Variants in MALAT1 observed in about 807,000 individuals in gnomAD.
MALAT1 encodes the protein metastasis associated lung adenocarcinoma transcript 1, also known as hepcarcin.
At chr11:65,499,004 T>A in exon 3 of MALAT1, 1 of 518,886 alleles carries the variant, frequency 1.9e-6, no homozygotes, top group Non-Finnish European at 3.8e-6. Context: ...TGATGCGAGT[T>A]GTTCTCCGTC....
chr11:65,505,180 T>G (rs772212981), intron 3 of MALAT1: 13 of 518,660 alleles, frequency 2.5e-5, no homozygotes, highest in African/African-American at 2.3e-4. Flanking sequence ...TTTTTAAGAT[T>G]TTTCAGGTAC....
intron 3 of MALAT1, chr11:65,505,469 G>A (rs368325028): frequency 2.0e-6 from 1 of 512,718 alleles, no homozygotes; most frequent in South Asian, 1.4e-5. Context: ...TGAAGGGGAG[G>A]GAAAGGGGGA....
exon 3 of MALAT1, chr11:65,503,020 A>G (rs1324602980): frequency 4.0e-6 from 2 of 504,698 alleles, no homozygotes; most frequent in African/African-American, 1.9e-5. Context: ...ACACTACATT[A>G]ATCCTGGAAT....
chr11:65,497,865 G>A (rs774595575), exon 1 of MALAT1: 3 of 518,464 alleles, frequency 5.8e-6, no homozygotes, highest in East Asian at 5.4e-5. Context: ...CTCGCCTGAA[G>A]GCAGGTCCCC....
chr11:65,502,701 GA>G (rs1854578272), exon 3 of MALAT1: 1 of 508,198 alleles, frequency 2.0e-6, no homozygotes, highest in Non-Finnish European at 3.9e-6. Flanking sequence ...TAGATGCAGA[GA>G]AAACAGCTCC....
chr11:65,498,121 C>G, intron 1 of MALAT1: 1 of 518,934 alleles, frequency 1.9e-6, no homozygotes, highest in Non-Finnish European at 3.8e-6. Flanking sequence ...ACAAAAACCC[C>G]TAAAAAAGCA....
chr11:65,499,390 A>G (rs1010880753), exon 3 of MALAT1: 1 of 489,302 alleles, frequency 2.0e-6, no homozygotes, highest in African/African-American at 2.0e-5. Context: ...AATTAATACC[A>G]ATAGAAGGGC....
chr11:65,501,810 A>G (rs753767931), exon 3 of MALAT1: 1 of 518,456 alleles, frequency 1.9e-6, no homozygotes, highest in Non-Finnish European at 3.9e-6. Context: ...TAAGTTTTCC[A>G]ATAATGTGAC....
intron 3 of MALAT1, chr11:65,505,881 AGAT>A (rs1854679346): frequency 2.3e-6 from 1 of 443,388 alleles, no homozygotes; most frequent in Non-Finnish European, 4.4e-6. Flanking sequence ...AGACTGGAGA[AGAT>A]AGGCATTTGA....
chr11:65,505,776 T>A, intron 3 of MALAT1: 1 of 518,156 alleles, frequency 1.9e-6, no homozygotes, highest in Non-Finnish European at 3.9e-6. Flanking sequence ...AGCTCTATTA[T>A]AATACTTATC....
intron 3 of MALAT1, chr11:65,505,240 C>T (rs1234271569): frequency 9.6e-6 from 5 of 518,156 alleles, no homozygotes; most frequent in South Asian, 1.4e-5. Context: ...ATGGAGCCTT[C>T]CTGTGGCAGG....
At chr11:65,498,317 A>G (rs780775643) in intron 1 of MALAT1, 1 of 517,960 alleles carries the variant, frequency 1.9e-6, no homozygotes, top group Non-Finnish European at 3.9e-6. Flanking sequence ...CGGTAGAAAA[A>G]TTTCCGTGCG....
At chr11:65,504,714 A>T (rs766844338) in intron 3 of MALAT1, 1 of 519,004 alleles carries the variant, frequency 1.9e-6, no homozygotes, top group Admixed American at 1.9e-5. Flanking sequence ...GTCTTCAAGA[A>T]ATTAAACTGG....
chr11:65,498,303 A>T (rs1854445175), intron 1 of MALAT1: 1 of 518,264 alleles, frequency 1.9e-6, no homozygotes. Flanking sequence ...TGGAAGCTGA[A>T]AAACGGTAGA....
chr11:65,501,590 C>T (rs1317668404), exon 3 of MALAT1: 1 of 518,736 alleles, frequency 1.9e-6, no homozygotes, highest in Non-Finnish European at 3.8e-6. Context: ...AGATTTTCCA[C>T]AGATGCTATA....
exon 3 of MALAT1, chr11:65,502,807 A>G: frequency 2.0e-6 from 1 of 512,304 alleles, no homozygotes; most frequent in Non-Finnish European, 3.9e-6. Context: ...TGATGAGAAC[A>G]TTATCTGCAT....
chr11:65,504,708 T>A (rs761222067), intron 3 of MALAT1: 2 of 519,012 alleles, frequency 3.9e-6, no homozygotes, highest in Non-Finnish European at 7.7e-6. Flanking sequence ...GCAACAGTCT[T>A]CAAGAAATTA....
intron 3 of MALAT1, chr11:65,503,960 CAG>C (rs1565055378): frequency 7.8e-6 from 4 of 515,596 alleles, no homozygotes; most frequent in Admixed American, 2.0e-5. Context: ...TCCAGAAAGT[CAG>C]GGGTCTATAA....
chr11:65,503,307 A>T (rs772084040), exon 3 of MALAT1: 1 of 518,336 alleles, frequency 1.9e-6, no homozygotes, highest in Admixed American at 1.9e-5. Flanking sequence ...TCCCTAGGGG[A>T]TTTCAGGATT....
Sources: gnomAD v4.1 joint callset for allele counts on GRCh38, gnomAD v4.1.1 for gene constraint, MANE v1.5 for transcripts, NCBI Gene and HGNC (gene_info 2026-07-23, HGNC 2026-07-21) for gene names.